BTF3L4: variants seen among roughly 807,000 people sequenced by gnomAD.
BTF3L4 encodes the protein transcription factor BTF3 homolog 4.
In BTF3L4, 6 loss-of-function variants were observed where a neutral mutation model predicts 16.8. The observed-to-expected ratio is 0.36, with a 90% CI of 0.20 to 0.71. The LOEUF (loss-of-function observed/expected upper bound fraction) is 0.71, where lower values mean the gene tolerates loss of function less well. Among genes scored for constraint, BTF3L4 ranks in the 30% least tolerant of loss-of-function variants. The probability of loss-of-function intolerance (pLI) is 0.58; values close to 1 mark genes in which losing one functional copy is unlikely to be tolerated. For synonymous variants in BTF3L4, 39 were observed against 59.8 expected, an observed-to-expected ratio of 0.65 and a Z score of 1.60; for missense variants, 92 against 186.9, an observed-to-expected ratio of 0.49 and a Z score of 2.96.
At chr1:52,065,177 A>C (rs936459094) in intron 3 of BTF3L4, 11 of 266,168 alleles carry the variant, frequency 4.1e-5, no homozygotes, top group Non-Finnish European at 7.7e-5. Context: ...CGTATATGGC[A>C]AAATTATGTA....
chr1:52,087,024 T>C lies in BTF3L4; in HGVS notation c.*266T>C. 1 of 351,096 alleles carries C rather than the reference T, an allele frequency of 2.8e-6. No homozygotes were observed. The highest frequency in any genetic ancestry group is 7.3e-5 in the South Asian group (1 of 13,680). The allele number at this position is 351,096 out of a possible 1,614,324, so 21.7% of individuals were successfully genotyped here. A position where few individuals can be genotyped will look rare whatever the true frequency, so the allele number is the denominator to read the frequency against. On this transcript the variant is annotated 3_prime_UTR_variant, in exon 6 of 6. Coordinates refer to ENST00000313334, the MANE Select transcript of BTF3L4 (RefSeq NM_152265.5). ...TTTGATTCCTGGTTTTTTTGTTTTT[T>C]GTTTGGGGTATTTTTGGTGTATGTA...
intron 3 of BTF3L4, among the ~76,000 whole-genome samples, chr1:52,076,502 G>A (rs547002778): frequency 6.0e-5 from 9 of 150,838 alleles, no homozygotes; most frequent in African/African-American, 2.2e-4. Context: ...GCTTGAACCC[G>A]TGAGGCGGAG....
At chr1:52,074,207 T>G (rs1686871939) in intron 3 of BTF3L4, among the ~76,000 whole-genome samples, 1 of 151,928 alleles carries the variant, frequency 6.6e-6, no homozygotes, top group African/African-American at 2.4e-5. Flanking sequence ...TTGTTTGTTT[T>G]TTGTTTTTTG....
At chr1:52,075,561 A>G (rs1686910476) in intron 3 of BTF3L4, among the ~76,000 whole-genome samples, 1 of 147,346 alleles carries the variant, frequency 6.8e-6, no homozygotes, top group Admixed American at 6.8e-5. Context: ...AATAATAAAT[A>G]AAATATATTT....
intron 3 of BTF3L4, among the ~76,000 whole-genome samples, chr1:52,071,983 C>A (rs1255703951): frequency 3.6e-4 from 47 of 131,894 alleles, no homozygotes; most frequent in African/African-American, 1.1e-3. Flanking sequence ...GTAGATATAT[C>A]TATATATATA....
At position 52,088,039 on chromosome 1, in the gene BTF3L4, C is replaced by T. The variant is rs954201773; in HGVS notation, c.*1281C>T. ...GACTTGGAGGTAAGTTGCATTCATT[C>T]ACTCAAGTTTCCCTCTTGCTGTCTA... On this transcript the variant is annotated 3_prime_UTR_variant, in exon 6 of 6. Transcript: ENST00000313334. 3 of 152,616 alleles carry T rather than the reference C, an allele frequency of 2.0e-5. No individual in the cohort carries two copies. The highest frequency in any genetic ancestry group is 7.2e-5 in the African/African-American group (3 of 41,442). The allele number at this position is 152,616 out of a possible 1,614,324, so 9.5% of individuals were successfully genotyped here.
At chr1:52,086,079 T>C in intron 4 of BTF3L4, 33 bp from the exon 5 acceptor site, 1 of 1,477,532 alleles carries the variant, frequency 6.8e-7, no homozygotes, top group Non-Finnish European at 9.3e-7. Context: ...GTCTTTGTTC[T>C]CAATGACTAA....
At chr1:52,074,195 TTTTG>T (rs1368600133) in intron 3 of BTF3L4, among the ~76,000 whole-genome samples, 3 of 151,716 alleles carry the variant, frequency 2.0e-5, no homozygotes, top group South Asian at 2.1e-4. Context: ...GTTTGGTTTT[TTTTG>T]TTTGTTTTTT....
chr1:52,082,923 C>T (rs1330064634), intron 3 of BTF3L4, among the ~76,000 whole-genome samples: 1 of 152,002 alleles, frequency 6.6e-6, no homozygotes, highest in Non-Finnish European at 1.5e-5. Flanking sequence ...CCCTTTGTAA[C>T]CAGTCCCCTA....
chr1:52,066,747 G>A (rs915283647), intron 3 of BTF3L4, among the ~76,000 whole-genome samples: 5 of 151,972 alleles, frequency 3.3e-5, no homozygotes, highest in African/African-American at 1.2e-4. Context: ...TCGGGAGGCT[G>A]AGGCAGGAGA....
intron 2 of BTF3L4, among the ~76,000 whole-genome samples, chr1:52,064,151 C>A (rs1397891584): frequency 6.6e-6 from 1 of 152,206 alleles, no homozygotes; most frequent in African/African-American, 2.4e-5. Context: ...CTAGAAAGGA[C>A]AAGTTCAACC....
chr1:52,060,163 C>T (rs1686472298), intron 2 of BTF3L4, among the ~76,000 whole-genome samples: 1 of 152,196 alleles, frequency 6.6e-6, no homozygotes, highest in Admixed American at 6.5e-5. Flanking sequence ...AGTTATCCAA[C>T]CTTGTTAAGC....
chr1:52,060,389 G>T, intron 2 of BTF3L4: 1 of 1,057,892 alleles, frequency 9.5e-7, no homozygotes, highest in Non-Finnish European at 1.3e-6. Context: ...GGTTTAGCTG[G>T]AGATGCTTAA....
At chr1:52,076,943 A>G (rs1686949788) in intron 3 of BTF3L4, among the ~76,000 whole-genome samples, 1 of 152,342 alleles carries the variant, frequency 6.6e-6, no homozygotes, top group South Asian at 2.1e-4. Context: ...AAGCCAAGGC[A>G]GGAGGATCAC....
intron 2 of BTF3L4, among the ~76,000 whole-genome samples, chr1:52,061,278 C>A (rs957904421): frequency 1.3e-5 from 2 of 152,060 alleles, no homozygotes; most frequent in Admixed American, 6.6e-5. Context: ...CAGTTGAGGT[C>A]AGGAGTTCAA....
At chr1:52,078,535 A>C (rs539482039) in intron 3 of BTF3L4, among the ~76,000 whole-genome samples, 2 of 152,278 alleles carry the variant, frequency 1.3e-5, no homozygotes, top group South Asian at 4.1e-4. Flanking sequence ...ATTATACTAC[A>C]AGACAATTCT....
intron 3 of BTF3L4, 40 bp from the exon 4 acceptor site, chr1:52,083,300 C>T: frequency 6.6e-7 from 1 of 1,508,204 alleles, no homozygotes; most frequent in Middle Eastern, 1.7e-4. Flanking sequence ...TTTTAGTGTA[C>T]CTAGCATGTG....
At chr1:52,066,858 T>A (rs1350467506) in intron 3 of BTF3L4, among the ~76,000 whole-genome samples, 2 of 151,596 alleles carry the variant, frequency 1.3e-5, no homozygotes, top group Non-Finnish European at 2.9e-5. Flanking sequence ...AAAAAAAAAT[T>A]TAATCATTAC....
intron 3 of BTF3L4, among the ~76,000 whole-genome samples, chr1:52,077,717 A>G (rs1686968828): frequency 6.6e-6 from 1 of 152,214 alleles, no homozygotes; most frequent in Admixed American, 6.5e-5. Flanking sequence ...TCTAGCCACA[A>G]AAATGTACTG....
Sources: gnomAD v4.1 joint callset for allele counts (sites outside exome capture counted in the v4.1 genomes callset) on GRCh38, gnomAD v4.1.1 for gene constraint, MANE v1.5 for transcripts, NCBI Gene and HGNC (gene_info 2026-07-23, HGNC 2026-07-21) for gene names.